Variants in TYW1 observed in about 807,000 individuals in gnomAD.
TYW1 encodes the protein S-adenosyl-L-methionine-dependent tRNA 4-demethylwyosine synthase TYW1.
A neutral mutation model predicts 96.2 loss-of-function variants in TYW1; 46 were observed. That is an observed-to-expected ratio of 0.48 (90% CI 0.38 to 0.61). The LOEUF is 0.61. Among genes scored for constraint, TYW1 ranks in the 20% least tolerant of loss-of-function variants. The pLI, the probability that TYW1 is intolerant of heterozygous loss-of-function variation, is 0.00. For synonymous variants in TYW1, 274 were observed against 323.0 expected, an observed-to-expected ratio of 0.85 and a Z score of 1.63; for missense variants, 684 against 909.6, an observed-to-expected ratio of 0.75 and a Z score of 3.19.
intron 3 of TYW1, among the ~76,000 whole-genome samples, chr7:67,007,370 A>C (rs1371564863): frequency 2.6e-5 from 4 of 151,904 alleles, no homozygotes; most frequent in Non-Finnish European, 4.4e-5. Context: ...CCCATCAATA[A>C]ATCTGTGTTT....
intron 15 of TYW1, among the ~76,000 whole-genome samples, chr7:67,220,349 G>A (rs1265226447): frequency 2.0e-5 from 3 of 151,168 alleles, no homozygotes; most frequent in Admixed American, 6.6e-5. Context: ...GACTACAGGC[G>A]CCTGCCACCA....
intron 15 of TYW1, among the ~76,000 whole-genome samples, chr7:67,201,331 CAACAACAACAACAAA>C (rs1800593233): frequency 7.7e-6 from 1 of 130,542 alleles, no homozygotes; most frequent in Admixed American, 7.9e-5. Flanking sequence ...ACAACAACAA[CAACAACAACAACAAA>C]CCTGTTATAA....
At chr7:67,076,694 T>C (rs1008040484) in intron 10 of TYW1, among the ~76,000 whole-genome samples, 29 of 152,246 alleles carry the variant, frequency 1.9e-4, no homozygotes, top group African/African-American at 6.5e-4. Context: ...CAGACTGATC[T>C]TGAACTCCTG....
chr7:67,019,693 G>A (rs996931560), intron 6 of TYW1, among the ~76,000 whole-genome samples: 1 of 152,290 alleles, frequency 6.6e-6, no homozygotes, highest in Admixed American at 6.5e-5. Context: ...AGCTGTCTCA[G>A]ACACACTTTG....
At chr7:67,235,345 A>G (rs725485) in intron 15 of TYW1, among the ~76,000 whole-genome samples, 58,722 of 152,056 alleles carry the variant, frequency 0.39, 12,205 homozygotes, top group African/African-American at 0.54. Context: ...AGTTGTCCCA[A>G]TTGGCCCATG....
At chr7:67,055,953 C>T in intron 9 of TYW1, 66 bp downstream of exon 9, 1 of 1,191,388 alleles carries the variant, frequency 8.4e-7, no homozygotes, top group South Asian at 1.4e-5. Flanking sequence ...TTATTATACA[C>T]TGTCTATAAA....
intron 15 of TYW1, among the ~76,000 whole-genome samples, chr7:67,236,955 A>G (rs556365517): frequency 2.0e-5 from 3 of 152,184 alleles, no homozygotes; most frequent in Non-Finnish European, 2.9e-5. Context: ...GCACTGTCTC[A>G]GCTCACTGCA....
chr7:67,127,471 A>T (rs992502547), intron 13 of TYW1, among the ~76,000 whole-genome samples: 18 of 152,196 alleles, frequency 1.2e-4, no homozygotes, highest in Admixed American at 3.3e-4. Flanking sequence ...CCTTATAATA[A>T]CAAAATAATC....
chr7:67,213,604 T>C (rs7779069), intron 15 of TYW1, among the ~76,000 whole-genome samples: 40,713 of 152,038 alleles, frequency 0.27, 5,814 homozygotes, highest in African/African-American at 0.36. Flanking sequence ...AAATTCATTG[T>C]GACATTCAAG....
At chr7:67,013,219 C>G (rs1305976764) in intron 4 of TYW1, among the ~76,000 whole-genome samples, 2 of 151,526 alleles carry the variant, frequency 1.3e-5, no homozygotes, top group African/African-American at 4.9e-5. Context: ...GCCTCCTGGG[C>G]TCAAGCAGTT....
chr7:67,157,053 G>C (rs1371218714), intron 13 of TYW1, among the ~76,000 whole-genome samples: 1 of 151,978 alleles, frequency 6.6e-6, no homozygotes, highest in Non-Finnish European at 1.5e-5. Context: ...CTCTTTTCGA[G>C]GTGTGGTTAT....
chr7:67,014,232 A>C, intron 4 of TYW1, 135 bp from the exon 5 acceptor site: 1 of 1,256,696 alleles, frequency 8.0e-7, no homozygotes, highest in Non-Finnish European at 1.1e-6. Context: ...CATGCCCTTC[A>C]CTTTTGAAGA....
Position 67,179,865 on chromosome 7 carries a change from AT to A in TYW1, c.1699-3249del, listed in dbSNP as rs200362190. Among the ~76,000 whole-genome samples the A allele has an allele frequency of 5.4e-4, 47 of 87,164 alleles. 2 individuals carry two copies. Among genetic ancestry groups the A allele is most frequent in the East Asian group, 3.2e-3 (13 of 4,026 alleles). 57.2% of individuals were successfully genotyped at this position (87,164 alleles called of 152,430 possible). ...ATTAGGAATATATATATATATATAT[AT>A]TTTTTTTTTTTGGCGGGGGACAGGG... On this transcript the variant is annotated intron_variant, in intron 13 of 15. Coordinates refer to ENST00000359626, the MANE Select transcript of TYW1 (RefSeq NM_018264.4).
intron 7 of TYW1, among the ~76,000 whole-genome samples, chr7:67,037,163 C>T (rs1229887782): frequency 2.6e-5 from 4 of 152,074 alleles, no homozygotes. Flanking sequence ...CATGAGACAC[C>T]TAATTAGCAT....
chr7:67,217,458 C>T (rs1009162275), intron 15 of TYW1, among the ~76,000 whole-genome samples: 1 of 152,160 alleles, frequency 6.6e-6, no homozygotes, highest in Admixed American at 6.5e-5. Context: ...AAGGGTCCAG[C>T]CTCATTGCTT....
At chr7:67,226,059 C>T (rs188991159) in intron 15 of TYW1, among the ~76,000 whole-genome samples, 46 of 151,888 alleles carry the variant, frequency 3.0e-4, no homozygotes, top group African/African-American at 7.0e-4. Flanking sequence ...CACAAGATAC[C>T]ACTGTAATGA....
chr7:67,018,955 CAAA>C (rs776221914), intron 6 of TYW1, among the ~76,000 whole-genome samples: 4 of 49,104 alleles, frequency 8.1e-5, no homozygotes, highest in African/African-American at 8.1e-5. Context: ...GACTCAGTCT[CAAA>C]AAAAAAAAAA....
At chr7:67,195,795 A>G (rs1800374333) in intron 15 of TYW1, among the ~76,000 whole-genome samples, 2 of 134,962 alleles carry the variant, frequency 1.5e-5, no homozygotes, top group Admixed American at 1.5e-4. Flanking sequence ...CACTATTTCC[A>G]TTTTTCCCCT....
intron 11 of TYW1, among the ~76,000 whole-genome samples, chr7:67,094,884 C>T (rs1005013201): frequency 2.0e-5 from 3 of 152,002 alleles, no homozygotes; most frequent in Non-Finnish European, 2.9e-5. Flanking sequence ...CCTAGCGCTT[C>T]CTGTGGAATG....
Sources: allele counts gnomAD v4.1 joint callset (sites outside exome capture counted in the v4.1 genomes callset), GRCh38; gene constraint gnomAD v4.1.1; transcripts MANE v1.5; gene names NCBI Gene and HGNC (gene_info 2026-07-23, HGNC 2026-07-21).